MSRA: variants seen among roughly 807,000 people sequenced by gnomAD.
The protein encoded by MSRA is mitochondrial peptide methionine sulfoxide reductase.
In MSRA, 54 loss-of-function variants were observed where a neutral mutation model predicts 31.3. The observed-to-expected ratio is 1.73, with a 90% CI of 1.39 to 2.17. The LOEUF (loss-of-function observed/expected upper bound fraction) is 2.17, where lower values mean the gene tolerates loss of function less well. Ranked by LOEUF, MSRA falls within the 30% of genes most tolerant of loss-of-function variation. The pLI, the probability that MSRA is intolerant of heterozygous loss-of-function variation, is 0.00. For missense variants in MSRA, 507 were observed against 300.9 expected (o/e 1.69, Z -5.07); for synonymous variants, 169 against 116.5 (o/e 1.45, Z -2.90).
At position 10,089,282 on chromosome 8, in the gene MSRA, T is replaced by G. The variant is rs573506382; in HGVS notation, c.142+34624T>G. ...AAATACACAGTAAAATTTATTTTTT[T>G]AAAAAGAACAAAGCCTTAAAAGAAC... On this transcript the variant is annotated intron_variant, in intron 1 of 5. Coordinates refer to ENST00000317173, the MANE Select transcript of MSRA (RefSeq NM_012331.5). Among the ~76,000 whole-genome samples, 85 of 152,322 alleles carry G rather than the reference T, an allele frequency of 5.6e-4. 2 individuals are homozygous for G. The highest frequency in any genetic ancestry group is 1.9e-3 in the African/African-American group (80 of 41,574).
rs561764215 is a variant in MSRA at position 10,223,557 on chromosome 8, G to T, written c.211+15656G>T. On this transcript the variant is annotated intron_variant, in intron 2 of 5. Transcript: ENST00000317173. Reference sequence around the variant, plus strand: ...CAGGTCAGTAGAAATTCTCCAAACTGTAGCACATAGAGAAAAACTATTGTT... The same window carrying T: ...CAGGTCAGTAGAAATTCTCCAAACTTTAGCACATAGAGAAAAACTATTGTT... Among the ~76,000 whole-genome samples the T allele has an allele frequency of 5.9e-5, 9 of 152,252 alleles. No individual in the cohort carries two copies. In the South Asian group the frequency reaches 1.7e-3, roughly 28 times the overall value.
At chr8:10,174,862 A>AT (rs1253208260) in intron 1 of MSRA, among the ~76,000 whole-genome samples, 1 of 152,054 alleles carries the variant, frequency 6.6e-6, no homozygotes, top group East Asian at 1.9e-4. Context: ...TTCAAATGGC[A>AT]TTTTATTCTG....
intron 2 of MSRA, among the ~76,000 whole-genome samples, chr8:10,235,232 C>G (rs1811847481): frequency 6.6e-6 from 1 of 151,996 alleles, no homozygotes; most frequent in Non-Finnish European, 1.5e-5. Context: ...TAACATGATG[C>G]AATCAAATCG....
intron 5 of MSRA, among the ~76,000 whole-genome samples, chr8:10,361,610 A>G (rs956351197): frequency 2.6e-5 from 4 of 152,222 alleles, no homozygotes; most frequent in Admixed American, 6.5e-5. Flanking sequence ...CTGGGAGAGC[A>G]TACTTGAGAC....
At chr8:10,180,220 A>G (rs1288890639) in intron 1 of MSRA, among the ~76,000 whole-genome samples, 3 of 152,122 alleles carry the variant, frequency 2.0e-5, no homozygotes, top group Non-Finnish European at 4.4e-5. Context: ...TGGCTCACAG[A>G]TCTCAGAATA....
intron 5 of MSRA, among the ~76,000 whole-genome samples, chr8:10,325,453 G>A (rs1261159636): frequency 6.6e-6 from 1 of 152,058 alleles, no homozygotes; most frequent in Non-Finnish European, 1.5e-5. Flanking sequence ...GTCATGTATA[G>A]ATCTTAGGTG....
intron 3 of MSRA, among the ~76,000 whole-genome samples, chr8:10,286,257 G>C (rs1799932043): frequency 6.6e-6 from 1 of 152,148 alleles, no homozygotes; most frequent in Admixed American, 6.6e-5. Context: ...TCCCCACCCA[G>C]ATCTCATCTT....
At chr8:10,164,259 C>G (rs554234972) in intron 1 of MSRA, among the ~76,000 whole-genome samples, 1 of 152,180 alleles carries the variant, frequency 6.6e-6, no homozygotes, top group Non-Finnish European at 1.5e-5. Flanking sequence ...CTGTCCTGAC[C>G]TCATTTCTTG....
chr8:10,401,250 T>G (rs1457705212), intron 5 of MSRA, among the ~76,000 whole-genome samples: 2 of 152,286 alleles, frequency 1.3e-5, no homozygotes, highest in East Asian at 3.9e-4. Flanking sequence ...CAAGGGACTT[T>G]GAATAGACAT....
At chr8:10,312,913 G>T (rs1173672531) in intron 4 of MSRA, among the ~76,000 whole-genome samples, 2 of 152,178 alleles carry the variant, frequency 1.3e-5, no homozygotes, top group African/African-American at 4.8e-5. Flanking sequence ...ACATGCAAAA[G>T]CCTATAGCAA....
At chr8:10,214,568 A>AT (rs1270430919) in intron 2 of MSRA, among the ~76,000 whole-genome samples, 3 of 146,400 alleles carry the variant, frequency 2.0e-5, no homozygotes, top group Non-Finnish European at 4.5e-5. Context: ...CTTGACTGAA[A>AT]ACTACTGAAG....
chr8:10,086,883 A>G (rs113769034), intron 1 of MSRA, among the ~76,000 whole-genome samples: 7 of 150,030 alleles, frequency 4.7e-5, no homozygotes, highest in East Asian at 2.0e-4. Flanking sequence ...AGAGGGAGAG[A>G]GAGAGGGAGA....
At chr8:10,071,196 C>G (rs189352683) in intron 1 of MSRA, among the ~76,000 whole-genome samples, 1 of 152,192 alleles carries the variant, frequency 6.6e-6, no homozygotes, top group Non-Finnish European at 1.5e-5. Context: ...TTTAGCCATT[C>G]TGATAGCTAT....
At chr8:10,293,298 C>G (rs1185343497) in intron 3 of MSRA, among the ~76,000 whole-genome samples, 2 of 152,176 alleles carry the variant, frequency 1.3e-5, no homozygotes, top group African/African-American at 4.8e-5. Context: ...AGCTCATGAG[C>G]CACTTTGTGG....
At chr8:10,293,436 G>A (rs768748085) in intron 3 of MSRA, among the ~76,000 whole-genome samples, 4 of 152,214 alleles carry the variant, frequency 2.6e-5, no homozygotes, top group African/African-American at 4.8e-5. Context: ...CCCGGTATGC[G>A]TGTGACTGCT....
intron 1 of MSRA, among the ~76,000 whole-genome samples, chr8:10,178,310 C>G (rs181491319): frequency 2.2e-4 from 33 of 152,146 alleles, no homozygotes; most frequent in African/African-American, 6.3e-4. Flanking sequence ...ACATTCCAGG[C>G]CGGACACGGT....
chr8:10,192,491 A>G (rs1474901754), intron 1 of MSRA, among the ~76,000 whole-genome samples: 2 of 152,300 alleles, frequency 1.3e-5, no homozygotes, highest in African/African-American at 4.8e-5. Flanking sequence ...AAATTAGACC[A>G]CTTAACTTAA....
intron 5 of MSRA, among the ~76,000 whole-genome samples, chr8:10,347,195 C>T (rs190628618): frequency 1.3e-5 from 2 of 152,320 alleles, no homozygotes; most frequent in East Asian, 1.9e-4. Flanking sequence ...CTTCCCTAGT[C>T]CCTTGCACCG....
At chr8:10,213,679 G>C (rs1421256698) in intron 2 of MSRA, among the ~76,000 whole-genome samples, 1 of 151,744 alleles carries the variant, frequency 6.6e-6, no homozygotes, top group East Asian at 1.9e-4. Flanking sequence ...CTCGTGATCT[G>C]CCTGCCTCGG....
Sources: allele counts gnomAD v4.1 joint callset (sites outside exome capture counted in the v4.1 genomes callset), GRCh38; gene constraint gnomAD v4.1.1; transcripts MANE v1.5; gene names NCBI Gene and HGNC (gene_info 2026-07-23, HGNC 2026-07-21).